TRPC1: variants seen among roughly 807,000 people sequenced by gnomAD.
The protein encoded by TRPC1 is short transient receptor potential channel 1.
Under a neutral mutation model 88.2 loss-of-function variants are expected in TRPC1, and 42 were observed. That is an observed-to-expected ratio of 0.48 (90% CI 0.37 to 0.62). The LOEUF (loss-of-function observed/expected upper bound fraction) is 0.62, where lower values mean the gene tolerates loss of function less well. TRPC1 is among the 20% of genes least tolerant of loss of function. TRPC1 has a pLI of 0.00. For missense variants in TRPC1, 699 were observed against 957.3 expected (o/e 0.73, Z 3.56); for synonymous variants, 288 against 331.8 (o/e 0.87, Z 1.43).
At position 142,804,532 on chromosome 3, in the gene TRPC1, C is replaced by G; in HGVS notation, c.2056C>G (p.Pro686Ala). The G allele has an allele frequency of 6.2e-7, 1 of 1,613,702 alleles. No homozygotes were observed. The highest frequency in any genetic ancestry group is 1.3e-5 in the African/African-American group (1 of 75,018). ...CTLPPPFNIIPSPKTICYMIS... is the reference protein window; with the variant it reads ...CTLPPPFNIIASPKTICYMIS... Reference sequence around the variant, plus strand: ...GTTACCTCCACCTTTCAACATCATTCCCTCACCAAAGACTATCTGCTATAT... The same window carrying G: ...GTTACCTCCACCTTTCAACATCATTGCCTCACCAAAGACTATCTGCTATAT... The change falls in exon 12 of 13, where the codon CCC (proline) becomes GCC (alanine). Residue 686 changes from proline (P) to alanine (A), a missense_variant. Coordinates refer to ENST00000476941, the MANE Select transcript of TRPC1 (RefSeq NM_001251845.2).
chr3:142,729,414 CGAG>C (rs1002417325), intron 1 of TRPC1, among the ~76,000 whole-genome samples: 44 of 151,994 alleles, frequency 2.9e-4, no homozygotes, highest in Admixed American at 2.0e-3. Context: ...TGTGCTCTAG[CGAG>C]GAGAAGTAAG....
chr3:142,729,253 G>A (rs145249538), intron 1 of TRPC1, among the ~76,000 whole-genome samples: 380 of 152,236 alleles, frequency 2.5e-3, no homozygotes, highest in East Asian at 0.016. Flanking sequence ...TAGTGATCAC[G>A]CAACTTTGCT....
intron 1 of TRPC1, among the ~76,000 whole-genome samples, chr3:142,727,956 A>C (rs1933750481): frequency 6.6e-6 from 1 of 152,012 alleles, no homozygotes. Context: ...CACCTAAACT[A>C]AGTGTAGTTC....
chr3:142,748,075 A>C (rs1934623053), intron 3 of TRPC1, among the ~76,000 whole-genome samples, 183 bp from the exon 4 acceptor site: 1 of 152,204 alleles, frequency 6.6e-6, no homozygotes. Context: ...CATTGCATTT[A>C]TTAATTAGAG....
At chr3:142,763,771 G>A (rs914021897) in intron 4 of TRPC1, among the ~76,000 whole-genome samples, 4 of 150,150 alleles carry the variant, frequency 2.7e-5, no homozygotes, top group African/African-American at 9.8e-5. Context: ...GTTTCTTATT[G>A]TCTTCCTTTG....
chr3:142,765,235 TG>T (rs1935339980), intron 4 of TRPC1, among the ~76,000 whole-genome samples: 1 of 152,164 alleles, frequency 6.6e-6, no homozygotes, highest in Admixed American at 6.5e-5. Context: ...AGTGTTAAAA[TG>T]GCCATACTAC....
At position 142,784,751 on chromosome 3, in the gene TRPC1, T is replaced by G; in HGVS notation, c.1008T>G (p.Phe336Leu). 1 of 1,614,144 alleles carries G rather than the reference T, an allele frequency of 6.2e-7. No homozygotes were observed. Among genetic ancestry groups the G allele is most frequent in the Non-Finnish European group, 8.5e-7 (1 of 1,179,996 alleles). Residue 336 changes from phenylalanine to leucine, a missense_variant, in exon 7 of 13, where the codon TTT becomes TTG. Physicochemically the swap from Phe to Leu is conservative, Grantham distance 22. Coordinates refer to ENST00000476941, the MANE Select transcript of TRPC1 (RefSeq NM_001251845.2). The stretch of plus-strand genomic sequence containing the variant: ...AGCAGTTCCTGAACACTGTTTGGTT[T>G]GGACAGATGTCGGGTTACCGACGCA... ...NCQQFLNTVW[F>L]GQMSGYRRKP...
At position 142,804,640 on chromosome 3, in the gene TRPC1, T is replaced by C. The variant is rs139536491; in HGVS notation, c.2154+10T>C. On this transcript the variant is annotated intron_variant, in intron 12 of 12. Coordinates refer to ENST00000476941, the MANE Select transcript of TRPC1 (RefSeq NM_001251845.2). ...GCAAAACAGTTTAAAGGTAAGAAATTAGAAGCTTGAATGGCAACATAAAAG... is the reference window on the plus strand; with the variant it reads ...GCAAAACAGTTTAAAGGTAAGAAATCAGAAGCTTGAATGGCAACATAAAAG... 3.7e-4 allele frequency: 580 copies of C among 1,582,750 alleles called. 3 individuals carry two copies. The African/African-American group carries it at 5.1e-3, about 14-fold the overall frequency.
chr3:142,751,784 T>C (rs1469369399), intron 4 of TRPC1, among the ~76,000 whole-genome samples: 1 of 152,174 alleles, frequency 6.6e-6, no homozygotes, highest in Non-Finnish European at 1.5e-5. Flanking sequence ...TTTGATGGAT[T>C]TGAGATAGTG....
chr3:142,787,732 G>T (rs1434238178), intron 7 of TRPC1, among the ~76,000 whole-genome samples: 3 of 152,150 alleles, frequency 2.0e-5, no homozygotes, highest in African/African-American at 7.2e-5. Context: ...ATGGAAAAAT[G>T]AAAACTCAAA....
At chr3:142,763,959 A>AATATATATATATATAT (rs1159520441) in intron 4 of TRPC1, among the ~76,000 whole-genome samples, 1,109 of 76,166 alleles carry the variant, frequency 0.015, 46 homozygotes, top group East Asian at 0.034. Flanking sequence ...AAAAAAAAGA[A>AATATATATATATATAT]ATATATATAT....
At chr3:142,796,285 T>G (rs1395669798) in intron 9 of TRPC1, among the ~76,000 whole-genome samples, 2 of 152,126 alleles carry the variant, frequency 1.3e-5, no homozygotes, top group South Asian at 2.1e-4. Context: ...CAGAATAATA[T>G]GATTCCCTCA....
At chr3:142,761,002 GT>G (rs1274837558) in intron 4 of TRPC1, among the ~76,000 whole-genome samples, 5 of 151,868 alleles carry the variant, frequency 3.3e-5, no homozygotes, top group African/African-American at 1.2e-4. Flanking sequence ...AGTATTTAGG[GT>G]TTTTTTGATG....
At chr3:142,757,598 T>C (rs1412329871) in intron 4 of TRPC1, among the ~76,000 whole-genome samples, 1 of 137,940 alleles carries the variant, frequency 7.2e-6, no homozygotes, top group African/African-American at 2.8e-5. Flanking sequence ...AGTTGAACAA[T>C]AAGAACACAT....
At chr3:142,725,944 TTAAA>T (rs1454773481) in intron 1 of TRPC1, among the ~76,000 whole-genome samples, 2 of 152,192 alleles carry the variant, frequency 1.3e-5, no homozygotes, top group East Asian at 3.8e-4. Context: ...TGTAATAGTA[TTAAA>T]TAATATTATG....
chr3:142,764,219 G>C (rs1259708252), intron 4 of TRPC1, among the ~76,000 whole-genome samples: 2 of 151,468 alleles, frequency 1.3e-5, no homozygotes, highest in African/African-American at 4.8e-5. Context: ...TTCTTAACAG[G>C]TTGCTATAGT....
rs564497346 is a variant in TRPC1 at position 142,739,131 on chromosome 3, C to T, written c.327+2598C>T. ...GGATTATTATAGGCATGCACCATCA[C>T]GCCCGGCTAATTTTGTATTTTTAGT... On this transcript the variant is annotated intron_variant, in intron 2 of 12. Transcript: ENST00000476941. Among the ~76,000 whole-genome samples, 24 of 152,182 alleles carry T rather than the reference C, an allele frequency of 1.6e-4. No individual in the cohort carries two copies. The South Asian group carries it at 3.5e-3, about 22-fold the overall frequency.
intron 1 of TRPC1, among the ~76,000 whole-genome samples, chr3:142,732,436 T>G (rs888182614): frequency 2.6e-5 from 4 of 152,138 alleles, no homozygotes; most frequent in African/African-American, 9.7e-5. Context: ...CAAGTTTATA[T>G]GGGCCAAGGT....
At chr3:142,726,172 T>G (rs771064977) in intron 1 of TRPC1, among the ~76,000 whole-genome samples, 21 of 152,270 alleles carry the variant, frequency 1.4e-4, no homozygotes, top group Non-Finnish European at 2.5e-4. Context: ...TGTACTAAAA[T>G]GAGTAAGTGC....
Sources: gnomAD v4.1 joint callset for allele counts (sites outside exome capture counted in the v4.1 genomes callset) on GRCh38, gnomAD v4.1.1 for gene constraint, MANE v1.5 for transcripts, NCBI Gene and HGNC (gene_info 2026-07-23, HGNC 2026-07-21) for gene names.